ATP10A: variants seen among roughly 807,000 people sequenced by gnomAD.
The protein encoded by ATP10A is ATPase phospholipid transporting 10A (putative).
ATP10A carries 111 observed loss-of-function variants against 147.8 expected under a neutral mutation model. The ratio of observed to expected loss-of-function variants is 0.75; its 90% CI spans 0.64 to 0.88. ATP10A has a LOEUF of 0.88. Among genes scored for constraint, ATP10A ranks in the 40% least tolerant of loss-of-function variants. ATP10A has a pLI of 0.00. For synonymous variants in ATP10A, 875 were observed against 841.6 expected (o/e 1.04, Z -0.69); for missense variants, 1,927 against 1,959.0 (o/e 0.98, Z 0.31).
At chr15:25,690,431 G>A (rs1899962240) in intron 15 of ATP10A, among the ~76,000 whole-genome samples, 1 of 152,118 alleles carries the variant, frequency 6.6e-6, no homozygotes, top group South Asian at 2.1e-4. Flanking sequence ...AGTAGAGATG[G>A]GGTTTCACCA....
At chr15:25,831,885 G>A (rs565716262) in intron 1 of ATP10A, among the ~76,000 whole-genome samples, 1 of 152,260 alleles carries the variant, frequency 6.6e-6, no homozygotes, top group Non-Finnish European at 1.5e-5. Flanking sequence ...TGACTTTGGC[G>A]ATTACACTGT....
chr15:25,756,169 T>C lies in ATP10A; in HGVS notation c.655-20028A>G, dbSNP rs374426402. ...TTAGGGTTCCTAGCTAGCAATTGTT[T>C]AGGACAATGGAACAGGTAAGCAGAA... On this transcript the variant is annotated intron_variant, in intron 2 of 20. Coordinates refer to ENST00000555815, the MANE Select transcript of ATP10A (RefSeq NM_024490.4). 1.6e-4 allele frequency among the ~76,000 whole-genome samples: 25 copies of C among 152,314 alleles called. 1 individual carries two copies. The highest frequency in any genetic ancestry group is 1.5e-3 in the East Asian group (8 of 5,184).
chr15:25,855,084 A>G (rs1311169021), intron 1 of ATP10A, among the ~76,000 whole-genome samples: 5 of 151,860 alleles, frequency 3.3e-5, no homozygotes, highest in African/African-American at 9.7e-5. Flanking sequence ...AAAACAGAAA[A>G]AAAGAAAATA....
chr15:25,782,908 A>AGT (rs1176902019), intron 1 of ATP10A, among the ~76,000 whole-genome samples: 1 of 152,062 alleles, frequency 6.6e-6, no homozygotes, highest in Non-Finnish European at 1.5e-5. Context: ...CATGGCTCAC[A>AGT]CCTGTAATCC....
chr15:25,842,620 A>G (rs1164913407), intron 1 of ATP10A, among the ~76,000 whole-genome samples: 2 of 152,208 alleles, frequency 1.3e-5, no homozygotes, highest in Non-Finnish European at 2.9e-5. Context: ...TTTTCATACT[A>G]GGATGAATAG....
intron 1 of ATP10A, among the ~76,000 whole-genome samples, chr15:25,811,044 A>AGG (rs1210313522): frequency 1.3e-5 from 2 of 152,226 alleles, no homozygotes; most frequent in Non-Finnish European, 2.9e-5. Flanking sequence ...GATGACCTTA[A>AGG]GGGCAGCTTG....
intron 2 of ATP10A, among the ~76,000 whole-genome samples, chr15:25,779,588 G>T (rs1889793974): frequency 6.6e-6 from 1 of 151,368 alleles, no homozygotes; most frequent in Non-Finnish European, 1.5e-5. Flanking sequence ...GGGCACGAGG[G>T]CCTGGGGCGA....
At chr15:25,747,848 T>G (rs1467393869) in intron 2 of ATP10A, among the ~76,000 whole-genome samples, 2 of 152,208 alleles carry the variant, frequency 1.3e-5, no homozygotes, top group Admixed American at 6.5e-5. Flanking sequence ...CTTCCAGTAG[T>G]GAGAACAAAT....
rs1268713423 is a variant in ATP10A at position 25,716,720 on chromosome 15, C to G, written c.1776+10G>C. The G allele has an allele frequency of 1.3e-6, 2 of 1,564,652 alleles. No individual in the cohort carries two copies. The highest frequency in any genetic ancestry group is 4.7e-5 in the East Asian group (2 of 42,368). ...GTCAAGGTCAAGCTCAGGGACCCTC[C>G]AGAACTTGCCTTTGTTCGTGGCTGA... On this transcript the variant is annotated intron_variant, in intron 9 of 20. Coordinates refer to ENST00000555815, the MANE Select transcript of ATP10A (RefSeq NM_024490.4).
At chr15:25,703,639 G>A (rs942124865) in intron 12 of ATP10A, among the ~76,000 whole-genome samples, 2 of 152,198 alleles carry the variant, frequency 1.3e-5, no homozygotes, top group African/African-American at 4.8e-5. Flanking sequence ...ATGGGGAGGG[G>A]AAGGTAGAAC....
intron 1 of ATP10A, among the ~76,000 whole-genome samples, chr15:25,783,706 C>T (rs1048225324): frequency 6.6e-6 from 1 of 152,266 alleles, no homozygotes; most frequent in South Asian, 2.1e-4. Flanking sequence ...GGCAAGCTAT[C>T]ACCGCTAGAG....
At chr15:25,711,180 T>C (rs1276331458) in intron 10 of ATP10A, among the ~76,000 whole-genome samples, 2 of 152,070 alleles carry the variant, frequency 1.3e-5, no homozygotes, top group East Asian at 3.9e-4. Context: ...GCTGATATCA[T>C]ACAGTCACAT....
intron 2 of ATP10A, among the ~76,000 whole-genome samples, chr15:25,779,841 T>C (rs1596871505): frequency 9.5e-6 from 1 of 105,734 alleles, no homozygotes; most frequent in Admixed American, 1.3e-4. Context: ...TAAAAGAAGG[T>C]TAAAACACAC....
intron 16 of ATP10A, 170 bp from the exon 17 acceptor site, chr15:25,683,656 C>T (rs1231671976): frequency 1.6e-5 from 10 of 637,138 alleles, no homozygotes; most frequent in Non-Finnish European, 2.7e-5. Flanking sequence ...TGGCCTCTGC[C>T]TCTCCCTCTT....
chr15:25,722,133 G>A lies in ATP10A; in HGVS notation c.1111-224C>T, dbSNP rs552601056. Among the ~76,000 whole-genome samples, 7 of 152,286 alleles carry A rather than the reference G, an allele frequency of 4.6e-5. No individual in the cohort carries two copies. The South Asian group carries it at 8.3e-4, about 18-fold the overall frequency. On this transcript the variant is annotated intron_variant, in intron 6 of 20. Coordinates refer to ENST00000555815, the MANE Select transcript of ATP10A (RefSeq NM_024490.4). ...ACAGCTTATGGAGCAGCTGCAGGGCGGGGATCCACTATGGTGTCTGGAAGT... is the reference window on the plus strand; with the variant it reads ...ACAGCTTATGGAGCAGCTGCAGGGCAGGGATCCACTATGGTGTCTGGAAGT...
intron 2 of ATP10A, among the ~76,000 whole-genome samples, chr15:25,778,675 G>A (rs1380226361): frequency 6.6e-6 from 1 of 152,126 alleles, no homozygotes; most frequent in African/African-American, 2.4e-5. Context: ...CATTCCTGGG[G>A]CCCTGAGAAG....
chr15:25,785,648 AC>A (rs950438260), intron 1 of ATP10A, among the ~76,000 whole-genome samples: 2 of 152,082 alleles, frequency 1.3e-5, no homozygotes, highest in African/African-American at 4.8e-5. Flanking sequence ...GGTTCTACAT[AC>A]CCCCAAGACA....
chr15:25,846,763 CCA>C (rs1185072186), intron 1 of ATP10A, among the ~76,000 whole-genome samples: 1 of 152,170 alleles, frequency 6.6e-6, no homozygotes, highest in Non-Finnish European at 1.5e-5. Context: ...AAAGTGATGC[CCA>C]CACACAAAAA....
At chr15:25,723,601 T>A (rs531268927) in intron 6 of ATP10A, among the ~76,000 whole-genome samples, 17 of 152,144 alleles carry the variant, frequency 1.1e-4, no homozygotes, top group Non-Finnish European at 2.1e-4. Context: ...AAATCTATTT[T>A]TTTTAAAAGT....
Sources: gnomAD v4.1 joint callset for allele counts (sites outside exome capture counted in the v4.1 genomes callset) on GRCh38, gnomAD v4.1.1 for gene constraint, MANE v1.5 for transcripts, NCBI Gene and HGNC (gene_info 2026-07-23, HGNC 2026-07-21) for gene names.